The following PRDM16 variants were observed in gnomAD, a reference collection of about 807,000 sequenced individuals.
The protein encoded by PRDM16 is PR/SET domain 16, also known as histone-lysine N-methyltransferase PRDM16.
A neutral mutation model predicts 110.6 loss-of-function variants in PRDM16; 23 were observed. The ratio of observed to expected loss-of-function variants is 0.21; its 90% CI spans 0.15 to 0.29. The LOEUF is 0.29. Ranked by LOEUF, PRDM16 falls within the 10% of genes least tolerant of loss-of-function variation. The probability of loss-of-function intolerance (pLI) is 1.00; values close to 1 mark genes in which losing one functional copy is unlikely to be tolerated. For missense variants in PRDM16, 1,615 were observed against 1,794.3 expected, an observed-to-expected ratio of 0.90 and a Z score of 1.81; for synonymous variants, 799 against 781.8, an observed-to-expected ratio of 1.02 and a Z score of -0.37.
At chr1:3,392,648 C>T (rs1388695341) in intron 4 of PRDM16, among the ~76,000 whole-genome samples, 1 of 152,182 alleles carries the variant, frequency 6.6e-6, no homozygotes, top group Non-Finnish European at 1.5e-5. Context: ...TCTTTAAAGA[C>T]CTGTAAGGAG....
intron 11 of PRDM16, 110 bp downstream of exon 11, chr1:3,418,107 A>G: frequency 1.1e-6 from 1 of 885,170 alleles, no homozygotes; most frequent in South Asian, 1.7e-5. Context: ...GCCATAGGAA[A>G]GCACAGCACT....
intron 1 of PRDM16, among the ~76,000 whole-genome samples, chr1:3,150,881 G>C (rs1375732921): frequency 7.2e-6 from 1 of 139,250 alleles, no homozygotes; most frequent in Non-Finnish European, 1.6e-5. Context: ...GGGGGGGCTG[G>C]TCCTAGAGCT....
At chr1:3,115,810 G>A (rs906105525) in intron 1 of PRDM16, among the ~76,000 whole-genome samples, 4 of 152,244 alleles carry the variant, frequency 2.6e-5, no homozygotes, top group African/African-American at 7.2e-5. Context: ...GCCAGGTGCT[G>A]TCTTCCCAAA....
At chr1:3,363,192 TC>T (rs1438091484) in intron 3 of PRDM16, among the ~76,000 whole-genome samples, 1 of 151,926 alleles carries the variant, frequency 6.6e-6, no homozygotes, top group Non-Finnish European at 1.5e-5. Flanking sequence ...TGCTGTCCGC[TC>T]CTGACTGCAT....
At chr1:3,162,678 G>T (rs1643909478) in intron 1 of PRDM16, among the ~76,000 whole-genome samples, 1 of 152,358 alleles carries the variant, frequency 6.6e-6, no homozygotes, top group Non-Finnish European at 1.5e-5. Flanking sequence ...GCAGATGAGT[G>T]GTGTGGAAAA....
chr1:3,335,602 A>AACGCACACACACACAC, intron 3 of PRDM16, among the ~76,000 whole-genome samples: 1 of 144,326 alleles, frequency 6.9e-6, no homozygotes, highest in East Asian at 2.1e-4. Flanking sequence ...CTGAGGTTAA[A>AACGCACACACACACAC]ACACACACAC....
chr1:3,378,565 T>C (rs1177241362), intron 3 of PRDM16, among the ~76,000 whole-genome samples: 1 of 152,076 alleles, frequency 6.6e-6, no homozygotes, highest in East Asian at 1.9e-4. Context: ...TCTCCTCTTC[T>C]ACAAAATGTA....
chr1:3,079,752 C>T (rs959437035), intron 1 of PRDM16, among the ~76,000 whole-genome samples: 8 of 152,190 alleles, frequency 5.3e-5, no homozygotes, highest in Non-Finnish European at 1.2e-4. Flanking sequence ...TTGAGATTGT[C>T]TCCAGGGAGT....
At chr1:3,404,452 G>A (rs1412654112) in intron 6 of PRDM16, among the ~76,000 whole-genome samples, 1 of 152,264 alleles carries the variant, frequency 6.6e-6, no homozygotes, top group African/African-American at 2.4e-5. Context: ...GGGAGTGTGG[G>A]CCGGGGTCCG....
intron 12 of PRDM16, among the ~76,000 whole-genome samples, chr1:3,422,770 C>T (rs1380277849): frequency 2.6e-5 from 4 of 152,358 alleles, no homozygotes; most frequent in Non-Finnish European, 4.4e-5. Context: ...GTTCACAGGC[C>T]GAGTCAAACA....
At chr1:3,389,064 A>T (rs1643249371) in intron 4 of PRDM16, among the ~76,000 whole-genome samples, 1 of 152,092 alleles carries the variant, frequency 6.6e-6, no homozygotes, top group Non-Finnish European at 1.5e-5. Context: ...ATCACTGACC[A>T]CGTGTCCCTC....
rs1003971774 is a variant in PRDM16 at position 3,425,510 on chromosome 1, C to T, written c.2940-71C>T. On this transcript the variant is annotated intron_variant, in intron 12 of 16. Coordinates refer to ENST00000270722, the MANE Select transcript of PRDM16 (RefSeq NM_022114.4). The surrounding 1 kb of genome is among the most constrained non-coding windows in gnomAD (Gnocchi z 6.9). ...GGGCAGGGGCGCGGGCTCCCTTCCCCCCACCCTCTGTGGCCCGGCCTGCCA... is the reference window on the plus strand; with the variant it reads ...GGGCAGGGGCGCGGGCTCCCTTCCCTCCACCCTCTGTGGCCCGGCCTGCCA... The T allele has an allele frequency of 2.6e-6, 4 of 1,539,576 alleles. No homozygotes were observed. The Admixed American group carries it at 5.5e-5, about 21-fold the overall frequency.
At position 3,426,135 on chromosome 1, in the gene PRDM16, T is replaced by C. The variant is rs1410844593; in HGVS notation, c.3194T>C (p.Leu1065Ser). The C allele has an allele frequency of 1.9e-5, 31 of 1,613,820 alleles. No homozygotes were observed. The highest frequency in any genetic ancestry group is 2.5e-5 in the Non-Finnish European group (30 of 1,179,968). ...PTSESDNHAL[L>S]DEKEDSYFSE... The stretch of plus-strand genomic sequence containing the variant: ...TCAGAGTCGGACAACCACGCACTTT[T>C]AGACGAGAAAGAAGACTCTTATTTC... Residue 1065 changes from leucine (L) to serine (S), a missense_variant, in exon 14 of 17, where the codon TTA (leucine) becomes TCA (serine). By Grantham distance (145) the Leu-to-Ser change is moderately radical (BLOSUM62 -2). This residue lies in a region of PRDM16 where 327 missense variants were observed against 359.3 expected (regional missense o/e 0.91). Transcript: ENST00000270722.
At chr1:3,237,386 C>A (rs1385757812) in intron 2 of PRDM16, among the ~76,000 whole-genome samples, 1 of 152,210 alleles carries the variant, frequency 6.6e-6, no homozygotes, top group Non-Finnish European at 1.5e-5. Context: ...GACCCCACCC[C>A]CAAGAGGACC....
intron 3 of PRDM16, among the ~76,000 whole-genome samples, chr1:3,376,308 G>T (rs536783538): frequency 2.0e-5 from 3 of 152,294 alleles, no homozygotes; most frequent in African/African-American, 7.2e-5. Flanking sequence ...TTTCTAGCGC[G>T]TTGCATTCCT....
chr1:3,282,086 G>A (rs577296792), intron 3 of PRDM16, among the ~76,000 whole-genome samples: 6 of 152,338 alleles, frequency 3.9e-5, no homozygotes, highest in Admixed American at 6.5e-5. Flanking sequence ...GGTATGGGAC[G>A]CCAGCTCTCT....
intron 16 of PRDM16, among the ~76,000 whole-genome samples, chr1:3,433,145 A>G (rs1273793587): frequency 6.6e-6 from 1 of 152,162 alleles, no homozygotes; most frequent in African/African-American, 2.4e-5. Context: ...GAAGGAGAGG[A>G]GGCTTCGAGG....
In PRDM16 at chr1:3,069,321, C is replaced by G. The variant is rs7413494; in HGVS notation, c.37+25C>G. On this transcript the variant is annotated intron_variant, in intron 1 of 16. Coordinates refer to ENST00000270722, the MANE Select transcript of PRDM16 (RefSeq NM_022114.4). The surrounding 1 kb of genome is among the most constrained non-coding windows in gnomAD (Gnocchi z 6.1). ...AGTAAGTCTCCCGCGCTCGGCCGCG[C>G]CGCGCCGCCGGGGCCCGGGCCGCCG... The G allele has an allele frequency of 0.39, 495,698 of 1,264,322 alleles. 101,620 individuals carry two copies. Among genetic ancestry groups the G allele is most frequent in the East Asian group, 0.58 (13,502 of 23,466 alleles). The allele number at this position is 1,264,322 out of a possible 1,614,324, so 78.3% of individuals were successfully genotyped here. A position where few individuals can be genotyped will look rare whatever the true frequency, so the allele number is the denominator to read the frequency against.
Position 3,426,675 on chromosome 1 carries a change from G to A in PRDM16, c.3284+450G>A, listed in dbSNP as rs189368872. Among the ~76,000 whole-genome samples, 233 of 152,194 alleles carry A rather than the reference G, an allele frequency of 1.5e-3. 2 individuals are homozygous for A. Among genetic ancestry groups the A allele is most frequent in the African/African-American group, 4.9e-3 (205 of 41,498 alleles). ...ACACATGCACACATAGGTATGCCCC[G>A]TGTACATGTACACATTCACATGCAC... On this transcript the variant is annotated intron_variant, in intron 14 of 16. Transcript: ENST00000270722.
Sources: gnomAD v4.1 joint callset for allele counts (sites outside exome capture counted in the v4.1 genomes callset) on GRCh38, gnomAD v4.1.1 for gene constraint, gnomAD v4.1.1 regional missense constraint, Gnocchi (gnomAD v3.1) non-coding constraint, MANE v1.5 for transcripts, NCBI Gene and HGNC (gene_info 2026-07-23, HGNC 2026-07-21) for gene names.